DAPP1: variants seen among roughly 807,000 people sequenced by gnomAD.
DAPP1 encodes dual adaptor of phosphotyrosine and 3-phosphoinositides 1, also known as dual adapter for phosphotyrosine and 3-phosphotyrosine and 3-phosphoinositide.
Under a neutral mutation model 41.5 loss-of-function variants are expected in DAPP1, and 20 were observed. That is an observed-to-expected ratio of 0.48 (90% confidence interval 0.34 to 0.70). DAPP1 has a LOEUF of 0.70. Among genes scored for constraint, DAPP1 ranks in the 30% least tolerant of loss-of-function variants. The pLI is 0.01. For synonymous variants in DAPP1, 113 were observed against 116.2 expected, an observed-to-expected ratio of 0.97 and a Z score of 0.18; for missense variants, 233 against 333.4, an observed-to-expected ratio of 0.70 and a Z score of 2.35.
intron 1 of DAPP1, among the ~76,000 whole-genome samples, chr4:99,818,077 T>C (rs998642791): frequency 6.6e-6 from 1 of 152,264 alleles, no homozygotes; most frequent in Non-Finnish European, 1.5e-5. Flanking sequence ...TGTATCTTTT[T>C]ATGTTGTATT....
intron 3 of DAPP1, among the ~76,000 whole-genome samples, chr4:99,850,341 C>T (rs1335295755): frequency 6.6e-6 from 1 of 151,818 alleles, no homozygotes; most frequent in Admixed American, 6.6e-5. Flanking sequence ...ACCTGGGAGG[C>T]AGACGTTGCA....
At chr4:99,855,250 CTT>C (rs1281184013) in intron 4 of DAPP1, among the ~76,000 whole-genome samples, 1 of 152,222 alleles carries the variant, frequency 6.6e-6, no homozygotes, top group African/African-American at 2.4e-5. Flanking sequence ...TTCAACATCT[CTT>C]TCATTTGCCC....
intron 1 of DAPP1, among the ~76,000 whole-genome samples, chr4:99,819,253 T>C (rs1722689367): frequency 6.6e-6 from 1 of 152,194 alleles, no homozygotes; most frequent in Admixed American, 6.5e-5. Flanking sequence ...CCCTCAGATG[T>C]ATGGCTTATT....
At chr4:99,831,023 G>T (rs1361735696) in intron 1 of DAPP1, among the ~76,000 whole-genome samples, 1 of 152,112 alleles carries the variant, frequency 6.6e-6, no homozygotes, top group African/African-American at 2.4e-5. Flanking sequence ...TCAAGCTAAA[G>T]TCTCCTTTGA....
intron 1 of DAPP1, among the ~76,000 whole-genome samples, chr4:99,826,168 G>A (rs1214158559): frequency 6.6e-6 from 1 of 152,196 alleles, no homozygotes; most frequent in African/African-American, 2.4e-5. Flanking sequence ...GCTAAGTATA[G>A]GCTCAGCAAG....
chr4:99,863,903 C>A, intron 7 of DAPP1, 48 bp downstream of exon 7: 1 of 1,261,572 alleles, frequency 7.9e-7, no homozygotes, highest in Non-Finnish European at 1.1e-6. Context: ...TCTTGCCAGA[C>A]ACTTATTTTG....
chr4:99,818,902 G>A (rs897989432), intron 1 of DAPP1, among the ~76,000 whole-genome samples: 3 of 152,164 alleles, frequency 2.0e-5, no homozygotes, highest in African/African-American at 7.2e-5. Context: ...CTGGGGATGG[G>A]TGTTTTCTTG....
At chr4:99,835,891 G>T (rs3733463) in intron 2 of DAPP1, 146 bp downstream of exon 2, 2 of 1,044,228 alleles carry the variant, frequency 1.9e-6, no homozygotes, top group East Asian at 2.7e-5. Flanking sequence ...AATGATGAGG[G>T]TGTAAAACAA....
rs1723874324 is a variant in DAPP1, at chr4:99,851,838, C to G, written c.359-1380C>G. 2.0e-5 allele frequency among the ~76,000 whole-genome samples: 3 copies of G among 152,080 alleles called. No homozygotes were observed. The South Asian group carries it at 6.2e-4, about 32-fold the overall frequency. On this transcript the variant is annotated intron_variant, in intron 3 of 8. Coordinates refer to ENST00000512369, the MANE Select transcript of DAPP1 (RefSeq NM_014395.3). ...AAAGTGCTGGGATTACAGATGTGAGCCACTGTGCCCGGCCTGTTTTGTGTA... is the reference window on the plus strand; with the variant it reads ...AAAGTGCTGGGATTACAGATGTGAGGCACTGTGCCCGGCCTGTTTTGTGTA...
chr4:99,818,833 C>G (rs949182955), intron 1 of DAPP1, among the ~76,000 whole-genome samples: 1 of 152,190 alleles, frequency 6.6e-6, no homozygotes, highest in Non-Finnish European at 1.5e-5. Context: ...TTGACCTTGG[C>G]TGTGCTCTGG....
At chr4:99,828,703 G>C (rs1001064416) in intron 1 of DAPP1, among the ~76,000 whole-genome samples, 2 of 152,172 alleles carry the variant, frequency 1.3e-5, no homozygotes, top group African/African-American at 2.4e-5. Flanking sequence ...ATCTTACTAA[G>C]AGGCAGCTAT....
intron 7 of DAPP1, chr4:99,865,095 C>G: frequency 6.6e-6 from 1 of 152,288 alleles, no homozygotes; most frequent in East Asian, 1.9e-4. Context: ...ACTGTCCACT[C>G]ACTCTCCACT....
intron 3 of DAPP1, among the ~76,000 whole-genome samples, chr4:99,849,863 G>A (rs1376154205): frequency 6.6e-6 from 1 of 152,178 alleles, no homozygotes; most frequent in African/African-American, 2.4e-5. Context: ...AAAGATGGCA[G>A]CAGGAGAAGG....
intron 2 of DAPP1, 39 bp downstream of exon 2, chr4:99,835,784 C>G: frequency 6.2e-7 from 1 of 1,603,354 alleles, no homozygotes; most frequent in Non-Finnish European, 8.5e-7. Flanking sequence ...AGCATGGGCT[C>G]CTCTGTCACT....
chr4:99,851,061 A>C (rs1047927664), intron 3 of DAPP1, among the ~76,000 whole-genome samples: 3 of 152,120 alleles, frequency 2.0e-5, no homozygotes, highest in Non-Finnish European at 4.4e-5. Context: ...AGTGTTTCTT[A>C]GGGTTGGGAG....
downstream of DAPP1, among the ~76,000 whole-genome samples, chr4:99,871,026 CT>C (rs1360552263): frequency 6.6e-6 from 1 of 152,158 alleles, no homozygotes; most frequent in Non-Finnish European, 1.5e-5. Context: ...AACCTTCCCC[CT>C]ATGCCAGAAC....
chr4:99,827,537 A>C (rs1190013961), intron 1 of DAPP1, among the ~76,000 whole-genome samples: 1 of 122,894 alleles, frequency 8.1e-6, no homozygotes, highest in African/African-American at 3.9e-5. Flanking sequence ...CGTCTCAAAA[A>C]AAAAACAACA....
chr4:99,864,171 A>G, intron 7 of DAPP1: 1 of 182,408 alleles, frequency 5.5e-6, no homozygotes, highest in Non-Finnish European at 1.1e-5. Context: ...GTTGACTCTA[A>G]TGATAGGTGA....
chr4:99,834,545 T>A (rs553767906), intron 1 of DAPP1, among the ~76,000 whole-genome samples: 2 of 152,352 alleles, frequency 1.3e-5, no homozygotes, highest in African/African-American at 4.8e-5. Context: ...TCCATCCAGC[T>A]TCGTTTCACT....
Sources: allele counts gnomAD v4.1 joint callset (sites outside exome capture counted in the v4.1 genomes callset), GRCh38; gene constraint gnomAD v4.1.1; transcripts MANE v1.5; gene names NCBI Gene and HGNC (gene_info 2026-07-23, HGNC 2026-07-21).